The following FYTTD1 variants were observed in gnomAD, a reference collection of about 807,000 sequenced individuals.
The protein encoded by FYTTD1 is forty-two-three domain containing 1.
A neutral mutation model predicts 40.9 loss-of-function variants in FYTTD1; 22 were observed. That is an observed-to-expected ratio of 0.54 (90% CI 0.38 to 0.77). The LOEUF (loss-of-function observed/expected upper bound fraction) is 0.77, where lower values mean the gene tolerates loss of function less well. Among genes scored for constraint, FYTTD1 ranks in the 30% least tolerant of loss-of-function variants. The pLI, the probability that FYTTD1 is intolerant of heterozygous loss-of-function variation, is 0.00. For synonymous variants in FYTTD1, 140 were observed against 137.9 expected (o/e 1.01, Z -0.10); for missense variants, 351 against 392.2 (o/e 0.90, Z 0.89).
intron 2 of FYTTD1, among the ~76,000 whole-genome samples, chr3:197,760,329 G>A (rs1426450637): frequency 6.6e-6 from 1 of 151,988 alleles, no homozygotes; most frequent in South Asian, 2.1e-4. Flanking sequence ...GTGGTAGAAT[G>A]TATAGAGTTG....
rs1362497294 is a variant in FYTTD1, at chr3:197,750,172, C to T, written c.103+98C>T. On this transcript the variant is annotated intron_variant, in intron 1 of 8. Transcript: ENST00000241502. ...GGGCAGGGGCGGTCGGCAGCAGTTG[C>T]CGGCGGAGTTTTCTCGCTGGTGGGC... 16 of 992,932 alleles carry T rather than the reference C, an allele frequency of 1.6e-5. No homozygotes were observed. The East Asian group carries it at 5.3e-4, about 33-fold the overall frequency. 61.5% of individuals were successfully genotyped at this position (992,932 alleles called of 1,614,324 possible).
chr3:197,775,755 A>G (rs1340589521), intron 6 of FYTTD1, among the ~76,000 whole-genome samples: 1 of 152,216 alleles, frequency 6.6e-6, no homozygotes, highest in Non-Finnish European at 1.5e-5. Flanking sequence ...TCTTTAGCAC[A>G]GGGGTCATGA....
chr3:197,776,582 A>G (rs1729882446), intron 6 of FYTTD1, among the ~76,000 whole-genome samples: 1 of 151,924 alleles, frequency 6.6e-6, no homozygotes, highest in African/African-American at 2.4e-5. Context: ...GTAACCAGAA[A>G]GCAGTAAAAA....
chr3:197,765,781 G>A (rs1729525557), intron 2 of FYTTD1, among the ~76,000 whole-genome samples: 2 of 151,986 alleles, frequency 1.3e-5, no homozygotes, highest in African/African-American at 4.8e-5. Flanking sequence ...CGGATCACAA[G>A]GTCAGGAGAT....
At chr3:197,773,875 G>T (rs9856417) in intron 5 of FYTTD1, among the ~76,000 whole-genome samples, 1 of 139,640 alleles carries the variant, frequency 7.2e-6, no homozygotes, top group Non-Finnish European at 1.5e-5. Context: ...TCACGCACAC[G>T]CCCCACTGGG....
chr3:197,759,071 G>C (rs1484874735), intron 2 of FYTTD1, among the ~76,000 whole-genome samples: 1 of 152,076 alleles, frequency 6.6e-6, no homozygotes, highest in African/African-American at 2.4e-5. Flanking sequence ...GTATAGAGTT[G>C]TTCTTCAGTG....
At chr3:197,759,684 C>T (rs1293307873) in intron 2 of FYTTD1, among the ~76,000 whole-genome samples, 1 of 150,126 alleles carries the variant, frequency 6.7e-6, no homozygotes, top group African/African-American at 2.5e-5. Context: ...TAGAGTTGTT[C>T]CTCAGTGGTA....
At chr3:197,768,119 A>T (rs111721617) in intron 2 of FYTTD1, among the ~76,000 whole-genome samples, 1 of 152,220 alleles carries the variant, frequency 6.6e-6, no homozygotes, top group Non-Finnish European at 1.5e-5. Flanking sequence ...CAGTAGCCAC[A>T]TATGGTTAGT....
At chr3:197,768,952 C>G (rs1395286607) in intron 3 of FYTTD1, among the ~76,000 whole-genome samples, 1 of 151,802 alleles carries the variant, frequency 6.6e-6, no homozygotes, top group African/African-American at 2.4e-5. Flanking sequence ...GCCACCACTC[C>G]CAGCTAATTT....
rs1730168094 is a variant in FYTTD1 at position 197,787,043 on chromosome 3, C to A, written c.*5134C>A. 1 of 151,912 alleles carries A rather than the reference C, an allele frequency of 6.6e-6. No homozygotes were observed. Among genetic ancestry groups the A allele is most frequent in the South Asian group, 2.1e-4 (1 of 4,818 alleles). 9.4% of individuals were successfully genotyped at this position (151,912 alleles called of 1,614,324 possible). ...CGAACTCCTACCCTCAGGAGATCTG[C>A]CTGCCTCAGCTTCCCAAAGTGCTGG... On this transcript the variant is annotated 3_prime_UTR_variant, in exon 9 of 9. Transcript: ENST00000241502.
chr3:197,762,154 A>G (rs1202211397), intron 2 of FYTTD1, among the ~76,000 whole-genome samples: 1 of 152,206 alleles, frequency 6.6e-6, no homozygotes, highest in South Asian at 2.1e-4. Context: ...GTATTTCAAC[A>G]TGTGAATTTT....
intron 5 of FYTTD1, among the ~76,000 whole-genome samples, 184 bp from the exon 6 acceptor site, chr3:197,773,965 C>T (rs1007358878): frequency 1.3e-5 from 2 of 151,858 alleles, no homozygotes; most frequent in African/African-American, 4.8e-5. Flanking sequence ...TCTAGAATAG[C>T]GCGGGCCCCT....
intron 8 of FYTTD1, among the ~76,000 whole-genome samples, chr3:197,781,391 A>G (rs1280974761): frequency 6.6e-6 from 1 of 151,686 alleles, no homozygotes. Flanking sequence ...CAGAAATGGT[A>G]TAGTTTGTAG....
intron 2 of FYTTD1, among the ~76,000 whole-genome samples, chr3:197,765,990 T>C (rs6809921): frequency 0.84 from 126,486 of 150,502 alleles, 53,388 homozygotes; most frequent in East Asian, 1. Flanking sequence ...AGCAAGACTC[T>C]GTCTCAAAAA....
intron 1 of FYTTD1, chr3:197,750,724 A>G: frequency 1.0e-6 from 1 of 985,408 alleles, no homozygotes; most frequent in South Asian, 4.7e-5. Context: ...CTGCCTAGAA[A>G]AGCACAGTCT....
At chr3:197,771,203 GA>G (rs1729705413) in intron 4 of FYTTD1, among the ~76,000 whole-genome samples, 1 of 152,114 alleles carries the variant, frequency 6.6e-6, no homozygotes, top group Non-Finnish European at 1.5e-5. Flanking sequence ...GAAAAAGAAA[GA>G]AAAGAAAAAT....
rs1266753477 is a variant in FYTTD1 at position 197,749,937 on chromosome 3, T to C, written c.-35T>C. 6.2e-6 allele frequency: 9 copies of C among 1,460,720 alleles called. No individual in the cohort carries two copies. Among genetic ancestry groups the C allele is most frequent in the Non-Finnish European group, 7.4e-6 (8 of 1,076,760 alleles). 90.5% of individuals were successfully genotyped at this position (1,460,720 alleles called of 1,614,324 possible). A position where few individuals can be genotyped will look rare whatever the true frequency, so the allele number is the denominator to read the frequency against. On this transcript the variant is annotated 5_prime_UTR_variant, in exon 1 of 9. Transcript: ENST00000241502. ...GGTGGCAGGCCTGCGACTCCGGCCT[T>C]GTCCGCGCCCGCTCTCGGCGCGACG...
intron 2 of FYTTD1, among the ~76,000 whole-genome samples, chr3:197,767,007 T>C (rs1278960073): frequency 6.6e-6 from 1 of 152,158 alleles, no homozygotes; most frequent in Non-Finnish European, 1.5e-5. Context: ...GTGATGTTTA[T>C]TTTCTTATTT....
intron 2 of FYTTD1, among the ~76,000 whole-genome samples, 194 bp downstream of exon 2, chr3:197,756,751 C>G (rs1001308353): frequency 6.6e-6 from 1 of 152,230 alleles, no homozygotes; most frequent in Non-Finnish European, 1.5e-5. Flanking sequence ...AACACTGTCT[C>G]TTAAACGTTG....
Sources: gnomAD v4.1 joint callset for allele counts (sites outside exome capture counted in the v4.1 genomes callset) on GRCh38, gnomAD v4.1.1 for gene constraint, MANE v1.5 for transcripts, NCBI Gene and HGNC (gene_info 2026-07-23, HGNC 2026-07-21) for gene names.